The following PDIA6 variants were observed in gnomAD, a reference collection of about 807,000 sequenced individuals.
The protein encoded by PDIA6 is protein disulfide isomerase family A member 6.
In PDIA6, 29 loss-of-function variants were observed where a neutral mutation model predicts 58.4. The observed-to-expected ratio is 0.50, with a 90% CI of 0.37 to 0.68. The LOEUF (loss-of-function observed/expected upper bound fraction) is 0.68, where lower values mean the gene tolerates loss of function less well. Among genes scored for constraint, PDIA6 ranks in the 30% least tolerant of loss-of-function variants. The pLI, the probability that PDIA6 is intolerant of heterozygous loss-of-function variation, is 0.00. For missense variants in PDIA6, 480 were observed against 551.0 expected (o/e 0.87, Z 1.29); for synonymous variants, 192 against 202.6 (o/e 0.95, Z 0.44).
At chr2:10,833,578 T>C (rs1388412902), upstream of PDIA6, among the ~76,000 whole-genome samples, 2 of 152,128 alleles carry the variant, frequency 1.3e-5, no homozygotes, top group Non-Finnish European at 2.9e-5. Flanking sequence ...CCTCAGAACA[T>C]GTTTGAGCCC....
In PDIA6 at chr2:10,832,373, C is replaced by G. The variant is rs1381034485; in HGVS notation, c.-219G>C. 5.1e-6 allele frequency: 5 copies of G among 975,148 alleles called. No homozygotes were observed. The African/African-American group carries it at 8.8e-5, about 17-fold the overall frequency. The allele number at this position is 975,148 out of a possible 1,614,324, so 60.4% of individuals were successfully genotyped here. On this transcript the variant is annotated 5_prime_UTR_variant, in exon 1 of 14. Coordinates refer to the PDIA6 transcript ENST00000381611. Reference sequence around the variant, plus strand: ...AGCCGTGAGAATGAGCAAACTGCAGCTGCAGATATCCTCGCCATCTACGCC... The same window carrying G: ...AGCCGTGAGAATGAGCAAACTGCAGGTGCAGATATCCTCGCCATCTACGCC...
At chr2:10,791,196 C>T (rs1012857583) in intron 6 of PDIA6, among the ~76,000 whole-genome samples, 5 of 151,646 alleles carry the variant, frequency 3.3e-5, no homozygotes, top group African/African-American at 7.3e-5. Flanking sequence ...CAGGATGGAG[C>T]GCAGTGGTGT....
chr2:10,804,898 A>C (rs1325342539), intron 1 of PDIA6, among the ~76,000 whole-genome samples: 5 of 129,348 alleles, frequency 3.9e-5, no homozygotes, highest in African/African-American at 1.3e-4. Context: ...ATCCCTTGTA[A>C]GTTGGATTCC....
At chr2:10,793,938 A>G (rs370680466) in intron 4 of PDIA6, among the ~76,000 whole-genome samples, 4 of 152,210 alleles carry the variant, frequency 2.6e-5, no homozygotes, top group Non-Finnish European at 5.9e-5. Context: ...ATCTTGCTTG[A>G]AACAGTTAAG....
chr2:10,821,665 C>G (rs545989220), intron 1 of PDIA6: 2 of 152,048 alleles, frequency 1.3e-5, no homozygotes, highest in African/African-American at 4.8e-5. Flanking sequence ...CATTCTGTCA[C>G]CCAGACTGGA....
rs765946559 is a variant in PDIA6, at chr2:10,797,728, T to G, written c.191A>C (p.Glu64Ala). Residue 64 changes from glutamate (E) to alanine (A), a missense_variant, in exon 3 of 13, where the codon GAA (glutamate) becomes GCA (alanine). Glu to Ala is a moderately radical substitution (Grantham distance 107). Transcript: ENST00000272227. ...TAATGCAGTTGCTGCTTTCTTCCATTCTGGTGTTAATCTTTGACAGTGACC... is the reference window on the plus strand; with the variant it reads ...TAATGCAGTTGCTGCTTTCTTCCATGCTGGTGTTAATCTTTGACAGTGACC... Reference protein sequence around the residue: ...WCGHCQRLTPEWKKAATALKD... With the variant: ...WCGHCQRLTPAWKKAATALKD... 3 of 1,613,482 alleles carry G rather than the reference T, an allele frequency of 1.9e-6. No homozygotes were observed. Among genetic ancestry groups the G allele is most frequent in the Admixed American group, 3.3e-5 (2 of 59,956 alleles).
chr2:10,815,978 CCCCTT>C (rs1667179869), upstream of PDIA6, among the ~76,000 whole-genome samples: 2 of 152,118 alleles, frequency 1.3e-5, no homozygotes, highest in Admixed American at 1.3e-4. Flanking sequence ...GCAGTAACTC[CCCCTT>C]CCCTGCTGTC....
exon 1 of PDIA6, chr2:10,832,474 G>T: frequency 2.0e-6 from 2 of 984,378 alleles, no homozygotes; most frequent in Non-Finnish European, 2.4e-6. Flanking sequence ...CTTGCAGCGG[G>T]CACCCTCGGT....
upstream of PDIA6, among the ~76,000 whole-genome samples, chr2:10,813,395 G>A (rs1356869825): frequency 1.9e-4 from 29 of 152,328 alleles, 1 homozygote; most frequent in Non-Finnish European, 1.0e-4. Flanking sequence ...TAGCCTCCTC[G>A]CTGACAGGGT....
upstream of PDIA6, among the ~76,000 whole-genome samples, chr2:10,816,424 T>C (rs74681080): frequency 0.12 from 17,740 of 149,026 alleles, 1,331 homozygotes; most frequent in African/African-American, 0.19. Context: ...CATTTTCCTC[T>C]CTTTTTTACA....
Position 10,783,432 on chromosome 2 carries a change from G to C in PDIA6, c.*826C>G. On this transcript the variant is annotated 3_prime_UTR_variant, in exon 13 of 13. Transcript: ENST00000272227. Reference sequence around the variant, plus strand: ...TTATTTTTTTAAGTTACAATAAAATGCTCTCAAGTCCTTTGAATGTTCCAA... The same window carrying C: ...TTATTTTTTTAAGTTACAATAAAATCCTCTCAAGTCCTTTGAATGTTCCAA... 2.0e-6 allele frequency: 1 copy of C among 506,908 alleles called. No homozygotes were observed. Among genetic ancestry groups the C allele is most frequent in the East Asian group, 3.3e-5 (1 of 30,250 alleles). The allele number at this position is 506,908 out of a possible 1,614,324, so 31.4% of individuals were successfully genotyped here. A position where few individuals can be genotyped will look rare whatever the true frequency, so the allele number is the denominator to read the frequency against.
chr2:10,798,339 C>T (rs1263203329), intron 2 of PDIA6, among the ~76,000 whole-genome samples: 1 of 151,946 alleles, frequency 6.6e-6, no homozygotes, highest in Non-Finnish European at 1.5e-5. Context: ...GAGGCCAAGG[C>T]AGGCAGATCA....
intron 1 of PDIA6, 127 bp from the exon 2 acceptor site, chr2:10,802,767 C>G: frequency 1.7e-6 from 1 of 587,274 alleles, no homozygotes; most frequent in Non-Finnish European, 2.6e-6. Context: ...AGCTCTGGCC[C>G]CTCTGCCCTT....
intron 1 of PDIA6, among the ~76,000 whole-genome samples, chr2:10,803,264 T>G (rs1666589308): frequency 6.6e-6 from 1 of 152,172 alleles, no homozygotes; most frequent in African/African-American, 2.4e-5. Flanking sequence ...TTCAAGCAAT[T>G]CTCCTGCTTC....
rs532482983 is a variant in PDIA6 at position 10,800,888 on chromosome 2, A to G, written c.161+1611T>C. ...GGTCTCCCAAATTGCTGAAATTATA[A>G]TCGTGAGCCATCATGCCTGACCGTA... On this transcript the variant is annotated intron_variant, in intron 2 of 12. Coordinates refer to ENST00000272227, the MANE Select transcript of PDIA6 (RefSeq NM_005742.4). 3.7e-3 allele frequency among the ~76,000 whole-genome samples: 559 copies of G among 152,298 alleles called. 1 individual carries two copies. Among genetic ancestry groups the G allele is most frequent in the Non-Finnish European group, 6.3e-3 (426 of 68,040 alleles).
In PDIA6 at chr2:10,827,221, C is replaced by A. The variant is rs553084511; in HGVS notation, c.-48+4981G>T. 3.3e-5 allele frequency among the ~76,000 whole-genome samples: 5 copies of A among 152,194 alleles called. No individual in the cohort carries two copies. In the South Asian group the frequency reaches 8.3e-4, roughly 25 times the overall value. Reference sequence around the variant, plus strand: ...GGGACTACAGTTATGCACCACCACACCTGGCTAATTTTTGTATTTTCAGTA... The same window carrying A: ...GGGACTACAGTTATGCACCACCACAACTGGCTAATTTTTGTATTTTCAGTA... On this transcript the variant is annotated intron_variant, in intron 1 of 13. Transcript: ENST00000381611.
intron 1 of PDIA6, among the ~76,000 whole-genome samples, chr2:10,827,144 A>T (rs536953760): frequency 6.6e-6 from 1 of 151,874 alleles, no homozygotes; most frequent in African/African-American, 2.4e-5. Flanking sequence ...GCTCACTGCA[A>T]CCTCCGCCTC....
At chr2:10,806,622 T>TAAAGACAGAAAGACAG (rs1572683145) in intron 1 of PDIA6, among the ~76,000 whole-genome samples, 3 of 48,750 alleles carry the variant, frequency 6.2e-5, no homozygotes, top group African/African-American at 8.6e-5. Context: ...TCCTAAAAAA[T>TAAAGACAGAAAGACAG]AAAGACAGAA....
intron 1 of PDIA6, among the ~76,000 whole-genome samples, chr2:10,804,007 C>G (rs1415742938): frequency 2.0e-5 from 3 of 150,278 alleles, no homozygotes; most frequent in Non-Finnish European, 3.0e-5. Flanking sequence ...CACCCGGGTT[C>G]ACGCCATTCT....
Sources: allele counts gnomAD v4.1 joint callset (sites outside exome capture counted in the v4.1 genomes callset), GRCh38; gene constraint gnomAD v4.1.1; transcripts MANE v1.5; gene names NCBI Gene and HGNC (gene_info 2026-07-23, HGNC 2026-07-21).